Variants in LRRTM3 observed in about 807,000 individuals in gnomAD.
LRRTM3 encodes leucine-rich repeat transmembrane neuronal protein 3.
LRRTM3 carries 24 observed loss-of-function variants against 44.7 expected under a neutral mutation model. The ratio of observed to expected loss-of-function variants is 0.54; its 90% CI spans 0.39 to 0.76. The LOEUF is 0.76. Ranked by LOEUF, LRRTM3 falls within the 30% of genes least tolerant of loss-of-function variation. The pLI is 0.00. For missense variants in LRRTM3, 587 were observed against 702.2 expected (o/e 0.84, Z 1.85); for synonymous variants, 277 against 278.7 (o/e 0.99, Z 0.06).
intron 2 of LRRTM3, among the ~76,000 whole-genome samples, chr10:66,996,855 G>A (rs906473252): frequency 9.2e-5 from 14 of 151,968 alleles, no homozygotes; most frequent in African/African-American, 3.4e-4. Context: ...ACAATTCCAT[G>A]TGAACTAACA....
intron 2 of LRRTM3, chr10:67,055,106 A>G (rs1162416203): frequency 6.6e-6 from 1 of 152,190 alleles, no homozygotes; most frequent in Admixed American, 6.5e-5. Context: ...TTTTAGAGTC[A>G]GCACATCCTG....
In LRRTM3 at chr10:66,927,438, G is replaced by GC; in HGVS notation, c.523dup (p.Arg175ProfsTer17). 6.2e-7 allele frequency: 1 copy of GC among 1,614,130 alleles called. No homozygotes were observed. Among genetic ancestry groups the GC allele is most frequent in the Non-Finnish European group, 8.5e-7 (1 of 1,180,024 alleles). ...CTAACTCCCTGAGAACCATCCCTGTGCGAATATTCCAAGACTGCCGCAACC... is the reference window on the plus strand; with the variant it reads ...CTAACTCCCTGAGAACCATCCCTGTGCCGAATATTCCAAGACTGCCGCAACC... On this transcript the variant is annotated frameshift_variant, in exon 2 of 3. Coordinates refer to ENST00000361320, the MANE Select transcript of LRRTM3 (RefSeq NM_178011.5). LOFTEE classifies it high-confidence loss of function. The surrounding 1 kb of genome is among the most constrained non-coding windows in gnomAD (Gnocchi z 4.7).
chr10:67,074,441 C>T (rs550603644), intron 2 of LRRTM3, among the ~76,000 whole-genome samples: 105 of 148,872 alleles, frequency 7.1e-4, no homozygotes, highest in African/African-American at 2.6e-3. Flanking sequence ...AGCTCCACCT[C>T]CCGGGTTCAC....
chr10:67,090,464 C>A (rs1014682006), intron 2 of LRRTM3, among the ~76,000 whole-genome samples: 2 of 152,084 alleles, frequency 1.3e-5, no homozygotes, highest in Non-Finnish European at 2.9e-5. Flanking sequence ...GTGTTCACCT[C>A]TCTAGGTTCT....
intron 2 of LRRTM3, among the ~76,000 whole-genome samples, chr10:66,990,390 A>G (rs1469119130): frequency 2.0e-5 from 3 of 152,216 alleles, no homozygotes; most frequent in African/African-American, 7.2e-5. Context: ...TTTAAATAAG[A>G]AAGATGCACA....
At chr10:67,096,440 A>G (rs1322955934) in intron 2 of LRRTM3, among the ~76,000 whole-genome samples, 1 of 151,840 alleles carries the variant, frequency 6.6e-6, no homozygotes, top group Admixed American at 6.6e-5. Context: ...TAAGATCAGA[A>G]AGGAAGTTAG....
At chr10:66,984,896 C>CT (rs955701980) in intron 2 of LRRTM3, among the ~76,000 whole-genome samples, 13 of 151,382 alleles carry the variant, frequency 8.6e-5, no homozygotes, top group African/African-American at 1.5e-4. Flanking sequence ...TGTTTTGGTG[C>CT]TTTTTTTTTG....
At chr10:66,986,856 C>A (rs930337712) in intron 2 of LRRTM3, among the ~76,000 whole-genome samples, 7 of 152,108 alleles carry the variant, frequency 4.6e-5, no homozygotes, top group African/African-American at 1.4e-4. Flanking sequence ...TGAACACCTA[C>A]TATGGGATTA....
rs1224683957 is a variant in LRRTM3 at position 67,098,026 on chromosome 10, TG to T, written c.*231del. 3.2e-5 allele frequency: 17 copies of T among 535,180 alleles called. No homozygotes were observed. The highest frequency in any genetic ancestry group is 4.3e-5 in the Non-Finnish European group (13 of 299,462). 33.2% of individuals were successfully genotyped at this position (535,180 alleles called of 1,614,324 possible). A position where few individuals can be genotyped will look rare whatever the true frequency, so the allele number is the denominator to read the frequency against. On this transcript the variant is annotated 3_prime_UTR_variant, in exon 3 of 3. Coordinates refer to ENST00000361320, the MANE Select transcript of LRRTM3 (RefSeq NM_178011.5). The stretch of plus-strand genomic sequence containing the variant: ...AGTATTTTTTGACTTAAACAGAGTA[TG>T]ACCCTGAAAAATAAAAGAATCTTTT...
chr10:67,071,927 T>A (rs1856490116), intron 2 of LRRTM3, among the ~76,000 whole-genome samples: 1 of 152,196 alleles, frequency 6.6e-6, no homozygotes, highest in Admixed American at 6.5e-5. Flanking sequence ...TTTGTTTCAG[T>A]TCAAGAATAT....
At chr10:66,929,995 C>G (rs1038806872) in intron 2 of LRRTM3, among the ~76,000 whole-genome samples, 1 of 152,174 alleles carries the variant, frequency 6.6e-6, no homozygotes, top group Non-Finnish European at 1.5e-5. Flanking sequence ...AACCATGTCC[C>G]TCTTCTCTGA....
chr10:67,066,900 A>G (rs183505345), intron 2 of LRRTM3, among the ~76,000 whole-genome samples: 9 of 152,336 alleles, frequency 5.9e-5, no homozygotes, highest in Admixed American at 5.9e-4. Context: ...GTAAATTAAT[A>G]TGGAAGTTTG....
At chr10:67,005,682 C>CTTATTTTTTTTTTTTTTTTT (rs1851927171) in intron 2 of LRRTM3, among the ~76,000 whole-genome samples, 1 of 61,976 alleles carries the variant, frequency 1.6e-5, no homozygotes, top group Non-Finnish European at 2.9e-5. Flanking sequence ...TTTACTCCAT[C>CTTATTTTTTTTTTTTTTTTT]TTTTTTTTTT....
chr10:67,056,836 C>A (rs1190302334), intron 2 of LRRTM3, among the ~76,000 whole-genome samples: 3 of 152,122 alleles, frequency 2.0e-5, no homozygotes, highest in Non-Finnish European at 4.4e-5. Flanking sequence ...ACTTGTATAA[C>A]CTGCATCACC....
Position 66,927,600 on chromosome 10 carries a change from G to A in LRRTM3, c.684G>A (p.Leu228=), listed in dbSNP as rs774858879. 1 of 1,614,132 alleles carries A rather than the reference G, an allele frequency of 6.2e-7. No homozygotes were observed. Among genetic ancestry groups the A allele is most frequent in the Non-Finnish European group, 8.5e-7 (1 of 1,180,016 alleles). Residue 228 remains leucine (L), a synonymous_variant, in exon 2 of 3, where the codon TTG becomes TTA. Coordinates refer to ENST00000361320, the MANE Select transcript of LRRTM3 (RefSeq NM_178011.5). The surrounding 1 kb of genome is among the most constrained non-coding windows in gnomAD (Gnocchi z 4.7). ...TCAACCTGGCCCTTTTTCCAAGGTTGGTCAGCCTTCAGAACCTTTACTTGC... is the reference window on the plus strand; with the variant it reads ...TCAACCTGGCCCTTTTTCCAAGGTTAGTCAGCCTTCAGAACCTTTACTTGC... The part of the protein sequence containing the change: ...SKLNLALFPR[L]VSLQNLYLQW...
chr10:67,030,737 G>C (rs1418220343), intron 2 of LRRTM3, among the ~76,000 whole-genome samples: 1 of 152,162 alleles, frequency 6.6e-6, no homozygotes. Context: ...CAGATGCGGT[G>C]GCTCACGCCT....
At chr10:67,079,364 C>A (rs552778999) in intron 2 of LRRTM3, among the ~76,000 whole-genome samples, 6 of 152,134 alleles carry the variant, frequency 3.9e-5, no homozygotes, top group African/African-American at 1.2e-4. Context: ...AGGAACACAG[C>A]GATAGGGCAG....
intron 2 of LRRTM3, among the ~76,000 whole-genome samples, chr10:66,934,591 A>G (rs901015277): frequency 6.6e-6 from 1 of 152,162 alleles, no homozygotes; most frequent in Non-Finnish European, 1.5e-5. Context: ...ATATAGTTGA[A>G]TTACAGTCTT....
chr10:66,972,735 G>A (rs1849795980), intron 2 of LRRTM3, among the ~76,000 whole-genome samples: 1 of 134,404 alleles, frequency 7.4e-6, no homozygotes, highest in South Asian at 2.4e-4. Flanking sequence ...TTATGAAATG[G>A]AGTCTGGCTC....
Sources: gnomAD v4.1 joint callset for allele counts (sites outside exome capture counted in the v4.1 genomes callset) on GRCh38, gnomAD v4.1.1 for gene constraint, Gnocchi (gnomAD v3.1) non-coding constraint, MANE v1.5 for transcripts, NCBI Gene and HGNC (gene_info 2026-07-23, HGNC 2026-07-21) for gene names.